The following RBM19 variants were observed in gnomAD, a reference collection of about 807,000 sequenced individuals.
RBM19 encodes probable RNA-binding protein 19.
Under a neutral mutation model 116.8 loss-of-function variants are expected in RBM19, and 94 were observed. The observed-to-expected ratio is 0.80, with a 90% confidence interval of 0.68 to 0.95. RBM19 has a LOEUF of 0.95. RBM19 is among the 40% of genes least tolerant of loss of function. The pLI is 0.00. For missense variants in RBM19, 1,161 were observed against 1,220.7 expected (o/e 0.95, Z 0.73); for synonymous variants, 475 against 494.1 (o/e 0.96, Z 0.51).
chr12:113,835,037 G>T (rs192144227), intron 23 of RBM19, among the ~76,000 whole-genome samples: 1 of 152,116 alleles, frequency 6.6e-6, no homozygotes, highest in Non-Finnish European at 1.5e-5. Flanking sequence ...GACCAGCGGT[G>T]CTTCGAAGCA....
At chr12:113,957,256 G>C (rs1555247511) in intron 6 of RBM19, among the ~76,000 whole-genome samples, 1 of 152,184 alleles carries the variant, frequency 6.6e-6, no homozygotes, top group Non-Finnish European at 1.5e-5. Context: ...TGGAAGGCAG[G>C]TGACCTCTCC....
At chr12:113,865,946 A>C (rs532405865) in intron 21 of RBM19, among the ~76,000 whole-genome samples, 1 of 152,192 alleles carries the variant, frequency 6.6e-6, no homozygotes, top group Non-Finnish European at 1.5e-5. Context: ...GCTCCTTCAC[A>C]GGCAACCCTG....
intron 10 of RBM19, among the ~76,000 whole-genome samples, chr12:113,947,765 C>T (rs1443238276): frequency 1.3e-5 from 2 of 152,194 alleles, no homozygotes; most frequent in Non-Finnish European, 2.9e-5. Context: ...GCATAGTGCA[C>T]TAAACAGTGC....
rs556563783 is a variant in RBM19 at position 113,879,462 on chromosome 12, T to C, written c.2559-20566A>G. Among the ~76,000 whole-genome samples the C allele has an allele frequency of 6.3e-5, 9 of 143,234 alleles. No homozygotes were observed. The East Asian group carries it at 1.8e-3, about 28-fold the overall frequency. The allele number at this position is 143,234 out of a possible 152,430, so 94.0% of individuals were successfully genotyped here. ...ATATATATATATATGGACTTTTCTT[T>C]TTTTAAGGGGAAAAAGAAAACCCAC... On this transcript the variant is annotated intron_variant, in intron 21 of 23. Transcript: ENST00000261741.
At position 113,958,041 on chromosome 12, in the gene RBM19, C is replaced by G. The variant is rs780878098; in HGVS notation, c.581G>C (p.Ser194Thr). 1 of 1,608,168 alleles carries G rather than the reference C, an allele frequency of 6.2e-7. No homozygotes were observed. The highest frequency in any genetic ancestry group is 1.1e-5 in the South Asian group (1 of 90,324). ...CTGCACAGCTGCCTTTGGTTCGAGG[C>G]TTGCCTCTTCTGGAAAAACAGGGAA... The part of the protein sequence containing the change: ...GAGEDLEEEA[S>T]LEPKAAVQKE... The change falls in exon 6 of 24, where the codon AGC (serine) becomes ACC (threonine). Residue 194 changes from serine (S) to threonine (T), a missense_variant. Ser to Thr is a moderately conservative substitution (Grantham distance 58, BLOSUM62 1). Transcript: ENST00000261741.
intron 20 of RBM19, among the ~76,000 whole-genome samples, chr12:113,916,587 T>C (rs910502039): frequency 6.6e-6 from 1 of 152,096 alleles, no homozygotes; most frequent in Admixed American, 6.6e-5. Context: ...GTGTGTGAAT[T>C]CTAAGACTAG....
At chr12:113,819,840 C>T (rs898966472), downstream of RBM19, among the ~76,000 whole-genome samples, 6 of 152,212 alleles carry the variant, frequency 3.9e-5, no homozygotes, top group South Asian at 2.1e-4. Flanking sequence ...TGACTTTTCC[C>T]GAGCTCCGCT....
intron 21 of RBM19, among the ~76,000 whole-genome samples, chr12:113,895,447 G>A (rs1219963636): frequency 6.6e-6 from 1 of 152,156 alleles, no homozygotes; most frequent in Non-Finnish European, 1.5e-5. Context: ...TGAAGGATAC[G>A]TACGGCATTA....
intron 21 of RBM19, among the ~76,000 whole-genome samples, chr12:113,884,698 C>G (rs886675359): frequency 6.6e-6 from 1 of 152,018 alleles, no homozygotes; most frequent in African/African-American, 2.4e-5. Context: ...CAGGTTGGCA[C>G]TGAGAAAGTA....
chr12:113,858,005 G>T (rs193202832), intron 22 of RBM19, among the ~76,000 whole-genome samples: 7 of 152,368 alleles, frequency 4.6e-5, no homozygotes, highest in Admixed American at 3.3e-4. Context: ...GGCCACCTGT[G>T]GGCAGAGCTC....
chr12:113,915,983 G>C (rs1882744740), intron 20 of RBM19, among the ~76,000 whole-genome samples: 1 of 152,058 alleles, frequency 6.6e-6, no homozygotes, highest in South Asian at 2.1e-4. Flanking sequence ...TCTCTTCCTG[G>C]CACTGATCCC....
rs1565999380 is a variant in RBM19, at chr12:113,890,581, G to A, written c.2558+24388C>T. 2.6e-5 allele frequency among the ~76,000 whole-genome samples: 4 copies of A among 152,294 alleles called. 1 individual carries two copies. In the South Asian group the frequency reaches 6.2e-4, roughly 24 times the overall value. ...CACCCCACTGGCTTCCGAGTGTATC[G>A]GGGAATGTTCAGGGATGGCAGAGAG... On this transcript the variant is annotated intron_variant, in intron 21 of 23. Coordinates refer to ENST00000261741, the MANE Select transcript of RBM19 (RefSeq NM_016196.4).
At chr12:113,874,434 G>A (rs1211252683) in intron 21 of RBM19, among the ~76,000 whole-genome samples, 1 of 152,212 alleles carries the variant, frequency 6.6e-6, no homozygotes, top group Non-Finnish European at 1.5e-5. Flanking sequence ...CTCTACACGC[G>A]CTGCCTCCCT....
In RBM19 at chr12:113,826,688, AG is replaced by A. The variant is rs1874886198; in HGVS notation, c.2786-3368del. 3.9e-5 allele frequency among the ~76,000 whole-genome samples: 6 copies of A among 152,270 alleles called. No homozygotes were observed. The South Asian group carries it at 1.2e-3, about 32-fold the overall frequency. Reference sequence around the variant, plus strand: ...TTCTAACCTGTAAAATGGAAATACTAGGGGTTGTGGTGAGGCTGAAATGAGT... The same window carrying A: ...TTCTAACCTGTAAAATGGAAATACTAGGGTTGTGGTGAGGCTGAAATGAGT... On this transcript the variant is annotated intron_variant, in intron 23 of 23. Transcript: ENST00000261741.
intron 21 of RBM19, among the ~76,000 whole-genome samples, chr12:113,909,191 T>C (rs1248579161): frequency 1.3e-5 from 2 of 152,162 alleles, no homozygotes; most frequent in African/African-American, 4.8e-5. Context: ...GGCCTGATTA[T>C]AGCTCACTGC....
intron 21 of RBM19, among the ~76,000 whole-genome samples, chr12:113,905,307 A>G (rs1881966308): frequency 6.6e-6 from 1 of 152,230 alleles, no homozygotes. Flanking sequence ...CCTCACACAC[A>G]GTCACCTGAT....
chr12:113,896,319 G>A (rs1018925695), intron 21 of RBM19, among the ~76,000 whole-genome samples: 2 of 152,284 alleles, frequency 1.3e-5, no homozygotes, highest in South Asian at 4.2e-4. Flanking sequence ...AAATTCTCCG[G>A]AATGCAGCGG....
intron 23 of RBM19, among the ~76,000 whole-genome samples, chr12:113,827,031 C>T (rs962608059): frequency 2.6e-5 from 4 of 152,212 alleles, no homozygotes; most frequent in African/African-American, 9.7e-5. Flanking sequence ...CGAGTTCCCA[C>T]CGAATGACAC....
At position 113,863,960 on chromosome 12, in the gene RBM19, A is replaced by G. The variant is rs1878614507; in HGVS notation, c.2559-5064T>C. On this transcript the variant is annotated intron_variant, in intron 21 of 23. Coordinates refer to ENST00000261741, the MANE Select transcript of RBM19 (RefSeq NM_016196.4). ...CCTCAGCGCTTACGTGCCCTGCAGC[A>G]TGTTAGCACCTGCTGGACATGAACT... 2.0e-5 allele frequency among the ~76,000 whole-genome samples: 3 copies of G among 152,160 alleles called. No homozygotes were observed. In the South Asian group the frequency reaches 6.2e-4, roughly 32 times the overall value.
Sources: allele counts gnomAD v4.1 joint callset (sites outside exome capture counted in the v4.1 genomes callset), GRCh38; gene constraint gnomAD v4.1.1; transcripts MANE v1.5; gene names NCBI Gene and HGNC (gene_info 2026-07-23, HGNC 2026-07-21).